Variants in TLN2 observed in about 807,000 individuals in gnomAD.
The protein encoded by TLN2 is talin-2.
A neutral mutation model predicts 294.7 loss-of-function variants in TLN2; 118 were observed. The observed-to-expected ratio is 0.40, with a 90% CI of 0.34 to 0.47. The LOEUF (loss-of-function observed/expected upper bound fraction) is 0.47, where lower values mean the gene tolerates loss of function less well. Among genes scored for constraint, TLN2 ranks in the 20% least tolerant of loss-of-function variants. The pLI, the probability that TLN2 is intolerant of heterozygous loss-of-function variation, is 0.84. For synonymous variants in TLN2, 1,431 were observed against 1,304.5 expected, an observed-to-expected ratio of 1.10 and a Z score of -2.09; for missense variants, 3,083 against 3,282.2, an observed-to-expected ratio of 0.94 and a Z score of 1.48.
intron 37 of TLN2, among the ~76,000 whole-genome samples, chr15:62,757,902 A>G (rs1160218722): frequency 6.6e-6 from 1 of 152,162 alleles, no homozygotes; most frequent in Non-Finnish European, 1.5e-5. Context: ...TTAATTTACT[A>G]ACAGGAAAGT....
chr15:62,476,566 G>GC (rs557250484), intron 1 of TLN2, among the ~76,000 whole-genome samples: 63 of 152,258 alleles, frequency 4.1e-4, no homozygotes, highest in African/African-American at 1.4e-3. Flanking sequence ...TCCGTACAGG[G>GC]CCCTTCTGTT....
intron 33 of TLN2, among the ~76,000 whole-genome samples, chr15:62,749,327 C>T (rs79988653): frequency 0.013 from 2,011 of 152,318 alleles, 36 homozygotes; most frequent in African/African-American, 0.044. Flanking sequence ...GAGAATGTTT[C>T]TTACATTGGC....
intron 1 of TLN2, among the ~76,000 whole-genome samples, chr15:62,421,223 C>T (rs773530024): frequency 3.3e-5 from 5 of 152,210 alleles, no homozygotes; most frequent in Admixed American, 2.6e-4. Context: ...CTGGGAACAA[C>T]GGGGTTTCAC....
At position 62,762,331 on chromosome 15, in the gene TLN2, G is replaced by T. The variant is rs138708550; in HGVS notation, c.4839G>T (p.Ser1613=). The part of the protein sequence containing the change: ...VSAKTMLESS[S]YLIRTARSLA... ...CCAAGACCATGCTGGAGAGTTCATCGTACCTCATTCGCACTGCACGCTCTC... is the reference window on the plus strand; with the variant it reads ...CCAAGACCATGCTGGAGAGTTCATCTTACCTCATTCGCACTGCACGCTCTC... The change falls in exon 39 of 59, where the codon TCG becomes TCT. Residue 1613 remains serine (S), a synonymous_variant. Transcript: ENST00000636159. The T allele has an allele frequency of 5.6e-6, 9 of 1,614,030 alleles. No homozygotes were observed. Among genetic ancestry groups the T allele is most frequent in the Non-Finnish European group, 7.6e-6 (9 of 1,180,042 alleles).
At chr15:62,512,484 G>C (rs1316624656) in intron 1 of TLN2, among the ~76,000 whole-genome samples, 1 of 152,128 alleles carries the variant, frequency 6.6e-6, no homozygotes, top group Non-Finnish European at 1.5e-5. Flanking sequence ...TGCTGTAGAG[G>C]CTACTCATAA....
chr15:62,540,373 T>TTA, intron 1 of TLN2, among the ~76,000 whole-genome samples: 1 of 151,428 alleles, frequency 6.6e-6, no homozygotes, highest in African/African-American at 2.4e-5. Flanking sequence ...TTTTTTTTTT[T>TTA]TACATGAGTA....
At chr15:62,426,206 TC>T (rs1412124309) in intron 1 of TLN2, among the ~76,000 whole-genome samples, 1 of 152,218 alleles carries the variant, frequency 6.6e-6, no homozygotes, top group Non-Finnish European at 1.5e-5. Flanking sequence ...GCTCCCTGCA[TC>T]CTTTGAGGGG....
At position 62,492,657 on chromosome 15, in the gene TLN2, AT is replaced by A. The variant is rs370521353; in HGVS notation, c.-237-97022del. 4.0e-3 allele frequency among the ~76,000 whole-genome samples: 611 copies of A among 151,580 alleles called. 6 individuals are homozygous for A. Among genetic ancestry groups the A allele is most frequent in the African/African-American group, 0.014 (578 of 41,350 alleles). On this transcript the variant is annotated intron_variant, in intron 1 of 58. Coordinates refer to ENST00000636159, the MANE Select transcript of TLN2 (RefSeq NM_015059.3). ...TGCCCTATGTCAGTTTCCTTTTGTG[AT>A]TTTTTTTCAACGCATTTCCCCCCAT...
At position 62,739,513 on chromosome 15, in the gene TLN2, G is replaced by A. The variant is rs200569433; in HGVS notation, c.3853G>A (p.Asp1285Asn). ...CAGTGATGATTTTGATGAATTCCTC[G>A]ATGCTGGCATTGAGATGGCTGGCCA... Reference protein sequence around the residue: ...KFSDDFDEFLDAGIEMAGQAQ... With the variant: ...KFSDDFDEFLNAGIEMAGQAQ... The change falls in exon 31 of 59, where the codon GAT becomes AAT. Residue 1285 changes from aspartate to asparagine, a missense_variant. Coordinates refer to ENST00000636159, the MANE Select transcript of TLN2 (RefSeq NM_015059.3). 153 of 1,614,050 alleles carry A rather than the reference G, an allele frequency of 9.5e-5. 1 individual carries two copies. The highest frequency in any genetic ancestry group is 1.2e-4 in the Non-Finnish European group (138 of 1,180,014).
At chr15:62,768,461 G>A (rs1413000055) in intron 41 of TLN2, among the ~76,000 whole-genome samples, 2 of 152,198 alleles carry the variant, frequency 1.3e-5, no homozygotes, top group African/African-American at 2.4e-5. Flanking sequence ...AGCCCGTCCC[G>A]GTAACTCAGG....
At chr15:62,403,041 C>G (rs2140239988) in intron 1 of TLN2, among the ~76,000 whole-genome samples, 1 of 152,154 alleles carries the variant, frequency 6.6e-6, no homozygotes, top group East Asian at 1.9e-4. Flanking sequence ...AGTTGGAGAC[C>G]AGCTTGACCA....
At chr15:62,750,167 G>A (rs555928339) in intron 33 of TLN2, among the ~76,000 whole-genome samples, 2 of 152,314 alleles carry the variant, frequency 1.3e-5, no homozygotes, top group East Asian at 3.9e-4. Context: ...GAAAACAAGA[G>A]ATTCTCATCT....
chr15:62,768,187 A>G (rs887224274), intron 41 of TLN2, among the ~76,000 whole-genome samples: 2 of 152,190 alleles, frequency 1.3e-5, no homozygotes, highest in Non-Finnish European at 2.9e-5. Flanking sequence ...TCAGACCCCA[A>G]CTGTGTTCAT....
chr15:62,524,331 A>G (rs1340936104), intron 1 of TLN2, among the ~76,000 whole-genome samples: 4 of 152,222 alleles, frequency 2.6e-5, no homozygotes, highest in Admixed American at 2.6e-4. Context: ...TTATACTCTG[A>G]GTTTTTCTGT....
intron 45 of TLN2, among the ~76,000 whole-genome samples, chr15:62,790,325 T>C (rs1358690134): frequency 1.3e-5 from 2 of 152,204 alleles, no homozygotes; most frequent in Non-Finnish European, 2.9e-5. Flanking sequence ...CACAAGAGAT[T>C]TAATTTCGAG....
chr15:62,664,527 A>T (rs999635294), intron 9 of TLN2, among the ~76,000 whole-genome samples: 3 of 152,052 alleles, frequency 2.0e-5, no homozygotes, highest in African/African-American at 4.8e-5. Context: ...ACACAAGGAG[A>T]TACAGGAAGA....
intron 1 of TLN2, among the ~76,000 whole-genome samples, chr15:62,545,635 T>G (rs569576326): frequency 6.6e-6 from 1 of 152,118 alleles, no homozygotes; most frequent in African/African-American, 2.4e-5. Flanking sequence ...TGCATATCCT[T>G]TTTATGCTCA....
chr15:62,842,158 G>A lies in TLN2; in HGVS notation c.*1548G>A, dbSNP rs563609311. 6.6e-6 allele frequency: 1 copy of A among 152,216 alleles called. No individual in the cohort carries two copies. Among genetic ancestry groups the A allele is most frequent in the East Asian group, 1.9e-4 (1 of 5,184 alleles). 9.4% of individuals were successfully genotyped at this position (152,216 alleles called of 1,614,324 possible). On this transcript the variant is annotated 3_prime_UTR_variant, in exon 59 of 59. Coordinates refer to ENST00000636159, the MANE Select transcript of TLN2 (RefSeq NM_015059.3). ...TTTTAAAATACATAAACTTCTGACA[G>A]CTTCCCATATTTATAAGTTACTTAT...
intron 41 of TLN2, among the ~76,000 whole-genome samples, chr15:62,767,458 C>T (rs2063082066): frequency 6.6e-6 from 1 of 152,036 alleles, no homozygotes; most frequent in Non-Finnish European, 1.5e-5. Context: ...TCTCCTGCCT[C>T]AGCCTCCCGA....
Sources: allele counts gnomAD v4.1 joint callset (sites outside exome capture counted in the v4.1 genomes callset), GRCh38; gene constraint gnomAD v4.1.1; transcripts MANE v1.5; gene names NCBI Gene and HGNC (gene_info 2026-07-23, HGNC 2026-07-21).